PTPRN2: variants seen among roughly 807,000 people sequenced by gnomAD.
The protein encoded by PTPRN2 is receptor-type tyrosine-protein phosphatase N2.
Under a neutral mutation model 118.8 loss-of-function variants are expected in PTPRN2, and 74 were observed. The ratio of observed to expected loss-of-function variants is 0.62; its 90% CI spans 0.52 to 0.76. The LOEUF (loss-of-function observed/expected upper bound fraction) is 0.76. PTPRN2 is among the 30% of genes least tolerant of loss of function. The pLI, the probability that PTPRN2 is intolerant of heterozygous loss-of-function variation, is 0.00. For missense variants in PTPRN2, 1,481 were observed against 1,394.4 expected (o/e 1.06, Z -0.99); for synonymous variants, 641 against 608.0 (o/e 1.05, Z -0.80).
chr7:157,888,184 T>G (rs916324319), intron 12 of PTPRN2, among the ~76,000 whole-genome samples: 6 of 151,938 alleles, frequency 3.9e-5, no homozygotes, highest in Non-Finnish European at 8.8e-5. Context: ...GAGCCGGCAC[T>G]AGGGACAAGC....
At chr7:158,329,497 G>A (rs916669629) in intron 2 of PTPRN2, among the ~76,000 whole-genome samples, 5 of 152,254 alleles carry the variant, frequency 3.3e-5, no homozygotes, top group Non-Finnish European at 5.9e-5. Flanking sequence ...CCCCAAGGAC[G>A]GCTCACGCTC....
At chr7:158,021,792 TAG>T (rs1806892317) in intron 11 of PTPRN2, among the ~76,000 whole-genome samples, 1 of 152,216 alleles carries the variant, frequency 6.6e-6, no homozygotes, top group East Asian at 1.9e-4. Flanking sequence ...GCCCAGGCTG[TAG>T]CATTTTAGTC....
chr7:157,740,029 A>AT lies in PTPRN2; in HGVS notation c.1789-57093dup, dbSNP rs535645320. Among the ~76,000 whole-genome samples the AT allele has an allele frequency of 5.3e-4, 81 of 152,252 alleles. No homozygotes were observed. The South Asian group carries it at 0.01, about 20-fold the overall frequency. On this transcript the variant is annotated intron_variant, in intron 12 of 22. Transcript: ENST00000389418. ...TTAGCACAGCTGGATCTTTTCATTA[A>AT]TTTTTTTATATCTACATGGGTTTAA...
At chr7:157,884,087 C>T (rs773127273) in intron 12 of PTPRN2, among the ~76,000 whole-genome samples, 5 of 151,854 alleles carry the variant, frequency 3.3e-5, no homozygotes, top group Non-Finnish European at 7.4e-5. Flanking sequence ...CCAGAACATA[C>T]CACCCCAAAA....
intron 2 of PTPRN2, among the ~76,000 whole-genome samples, chr7:158,411,205 G>A (rs549305260): frequency 2.6e-5 from 4 of 152,248 alleles, no homozygotes; most frequent in Admixed American, 2.0e-4. Context: ...ACAACCAAAC[G>A]CAGCTCCGTT....
intron 14 of PTPRN2, among the ~76,000 whole-genome samples, chr7:157,652,587 T>C (rs1474209416): frequency 6.6e-6 from 1 of 152,150 alleles, no homozygotes; most frequent in Non-Finnish European, 1.5e-5. Context: ...CAGGCTTTCA[T>C]GTGGCCCCTT....
intron 10 of PTPRN2, among the ~76,000 whole-genome samples, chr7:158,103,871 T>A (rs148242978): frequency 0.013 from 1,912 of 152,064 alleles, 44 homozygotes; most frequent in East Asian, 0.1. Flanking sequence ...TATTATTATT[T>A]TTTTTTTTTG....
intron 21 of PTPRN2, among the ~76,000 whole-genome samples, chr7:157,559,548 A>T (rs1278837572): frequency 6.6e-6 from 1 of 152,154 alleles, no homozygotes; most frequent in East Asian, 1.9e-4. Context: ...AAATGGAGCA[A>T]CCAGGCTGTG....
chr7:158,189,909 T>C (rs980282492), intron 5 of PTPRN2, among the ~76,000 whole-genome samples: 5 of 152,044 alleles, frequency 3.3e-5, no homozygotes, highest in African/African-American at 7.2e-5. Flanking sequence ...TTCAAGAGGG[T>C]GGGAGAAATG....
At chr7:158,056,296 C>T (rs1427856795) in intron 11 of PTPRN2, among the ~76,000 whole-genome samples, 3 of 152,306 alleles carry the variant, frequency 2.0e-5, no homozygotes, top group African/African-American at 7.2e-5. Flanking sequence ...AGGCACTCCC[C>T]GGGGCCTCAT....
rs116118873 is a variant in PTPRN2, at chr7:157,909,388, G to C, written c.1724-10651C>G. Among the ~76,000 whole-genome samples the C allele has an allele frequency of 2.1e-3, 314 of 151,752 alleles. 1 individual carries two copies. The highest frequency in any genetic ancestry group is 3.4e-3 in the Middle Eastern group (1 of 294). On this transcript the variant is annotated intron_variant, in intron 11 of 22. Coordinates refer to ENST00000389418, the MANE Select transcript of PTPRN2 (RefSeq NM_002847.5). ...GGACAGGGGCTGACTCTATACACTG[G>C]GGGGGGGAGGATGCTGGCCACTCAA...
intron 12 of PTPRN2, among the ~76,000 whole-genome samples, chr7:157,879,388 C>T (rs910654210): frequency 6.6e-6 from 1 of 152,174 alleles, no homozygotes; most frequent in Non-Finnish European, 1.5e-5. Flanking sequence ...TGTGCACACA[C>T]ACACACTCGT....
intron 2 of PTPRN2, among the ~76,000 whole-genome samples, chr7:158,425,697 C>G (rs1815685091): frequency 4.6e-5 from 2 of 43,048 alleles, no homozygotes; most frequent in Admixed American, 2.5e-4. Context: ...GGCCTGCGCA[C>G]CGCCGGGAAA....
intron 1 of PTPRN2, among the ~76,000 whole-genome samples, chr7:158,495,911 G>C (rs1180484676): frequency 1.3e-5 from 2 of 152,024 alleles, no homozygotes. Flanking sequence ...AAAAGGAAGA[G>C]GGAGAGAGGG....
At chr7:158,160,465 A>C (rs1351748519) in intron 6 of PTPRN2, among the ~76,000 whole-genome samples, 1 of 152,202 alleles carries the variant, frequency 6.6e-6, no homozygotes, top group African/African-American at 2.4e-5. Flanking sequence ...GGGTCTTCAG[A>C]CTGAGAGTTA....
At chr7:157,642,836 A>AAAAAAC (rs1804774886) in intron 14 of PTPRN2, among the ~76,000 whole-genome samples, 1 of 146,032 alleles carries the variant, frequency 6.8e-6, no homozygotes, top group East Asian at 2.0e-4. Context: ...AAAAAAAAAA[A>AAAAAAC]AAAAAAAAGC....
At chr7:158,246,202 C>T (rs149873132) in intron 3 of PTPRN2, among the ~76,000 whole-genome samples, 5 of 151,730 alleles carry the variant, frequency 3.3e-5, no homozygotes, top group African/African-American at 1.2e-4. Flanking sequence ...TCGGCACATA[C>T]GGCAAAATAT....
At chr7:158,066,468 C>T (rs1810783221) in intron 11 of PTPRN2, among the ~76,000 whole-genome samples, 1 of 152,226 alleles carries the variant, frequency 6.6e-6, no homozygotes, top group Non-Finnish European at 1.5e-5. Context: ...TTCCTTCAAC[C>T]ACCTCCCAAC....
chr7:157,888,508 C>T (rs566833575), intron 12 of PTPRN2, among the ~76,000 whole-genome samples: 4 of 152,288 alleles, frequency 2.6e-5, no homozygotes, highest in East Asian at 1.9e-4. Flanking sequence ...CCGTCAGGAA[C>T]GTGTGGCCGT....
Sources: allele counts gnomAD v4.1 joint callset (sites outside exome capture counted in the v4.1 genomes callset), GRCh38; gene constraint gnomAD v4.1.1; transcripts MANE v1.5; gene names NCBI Gene and HGNC (gene_info 2026-07-23, HGNC 2026-07-21).